Variants in NTRK2 observed in about 807,000 individuals in gnomAD.
NTRK2 encodes neurotrophic receptor tyrosine kinase 2.
NTRK2 carries 13 observed loss-of-function variants against 94.5 expected under a neutral mutation model. The observed-to-expected ratio is 0.14, with a 90% confidence interval of 0.09 to 0.22. NTRK2 has a LOEUF of 0.22. Among genes scored for constraint, NTRK2 ranks in the 10% least tolerant of loss-of-function variants. NTRK2 has a pLI of 1.00. For synonymous variants in NTRK2, 372 were observed against 407.4 expected (o/e 0.91, Z 1.05); for missense variants, 639 against 1,071.2 (o/e 0.60, Z 5.63).
chr9:84,713,587 T>A (rs890915300), intron 6 of NTRK2, among the ~76,000 whole-genome samples: 4 of 152,138 alleles, frequency 2.6e-5, no homozygotes, highest in Admixed American at 2.6e-4. Context: ...TAATACTTCT[T>A]TCATAGAAAT....
intron 12 of NTRK2, among the ~76,000 whole-genome samples, chr9:84,850,321 A>G (rs2074698234): frequency 6.6e-6 from 1 of 152,212 alleles, no homozygotes; most frequent in African/African-American, 2.4e-5. Context: ...TTACATCCCC[A>G]GCATTTATCA....
chr9:84,914,737 C>T (rs1031651998), intron 14 of NTRK2, among the ~76,000 whole-genome samples: 1 of 152,158 alleles, frequency 6.6e-6, no homozygotes, highest in Admixed American at 6.5e-5. Context: ...GGATTTTTTT[C>T]TGTGCCCACT....
intron 8 of NTRK2, among the ~76,000 whole-genome samples, chr9:84,727,153 A>G (rs935075374): frequency 1.3e-5 from 2 of 152,226 alleles, no homozygotes; most frequent in African/African-American, 2.4e-5. Flanking sequence ...TGCATTGATC[A>G]GTTTGATCTG....
At chr9:84,717,158 A>G (rs1444188549) in intron 6 of NTRK2, among the ~76,000 whole-genome samples, 1 of 152,238 alleles carries the variant, frequency 6.6e-6, no homozygotes, top group Non-Finnish European at 1.5e-5. Flanking sequence ...GGCAGAGAAC[A>G]GACAACATTA....
At chr9:84,866,718 C>T (rs1173004947) in intron 13 of NTRK2, among the ~76,000 whole-genome samples, 2 of 152,116 alleles carry the variant, frequency 1.3e-5, no homozygotes, top group Non-Finnish European at 2.9e-5. Flanking sequence ...AGTAATTCCA[C>T]CCAAGAGAAA....
Position 84,702,401 on chromosome 9 carries a change from AC to A in NTRK2, c.342del (p.Asn114LysfsTer14). Reference sequence around the variant, plus strand: ...GTGGCTCATAAAGCATTTCTGAAAAACAGCAACCTGCAGCACATGTAAGTAG... The same window carrying A: ...GTGGCTCATAAAGCATTTCTGAAAAAAGCAACCTGCAGCACATGTAAGTAG... ...KFVAHKAFLK[N>X]SNLQHINFTR... On this transcript the variant is annotated frameshift_variant, in exon 4 of 19. Transcript: ENST00000277120. LOFTEE classifies it high-confidence loss of function. The A allele has an allele frequency of 6.2e-7, 1 of 1,614,072 alleles. No individual in the cohort carries two copies. The highest frequency in any genetic ancestry group is 8.5e-7 in the Non-Finnish European group (1 of 1,179,920).
At chr9:84,908,402 A>G (rs2077139186) in intron 14 of NTRK2, among the ~76,000 whole-genome samples, 1 of 150,586 alleles carries the variant, frequency 6.6e-6, no homozygotes, top group African/African-American at 2.5e-5. Flanking sequence ...TACTTTTGTA[A>G]TCAGACACAA....
chr9:84,907,444 C>T (rs1564453553), intron 14 of NTRK2, among the ~76,000 whole-genome samples: 1 of 152,200 alleles, frequency 6.6e-6, no homozygotes, highest in Non-Finnish European at 1.5e-5. Context: ...CCTATTATTA[C>T]CAGCAGCAAC....
chr9:84,849,387 G>C (rs1416123045), intron 12 of NTRK2, among the ~76,000 whole-genome samples: 1 of 152,182 alleles, frequency 6.6e-6, no homozygotes, highest in African/African-American at 2.4e-5. Flanking sequence ...AAGCACCATG[G>C]ATCGGTGGGT....
At chr9:84,961,663 C>G (rs1459417175) in intron 17 of NTRK2, among the ~76,000 whole-genome samples, 2 of 152,106 alleles carry the variant, frequency 1.3e-5, no homozygotes, top group African/African-American at 4.8e-5. Context: ...GTGCTAGATG[C>G]AATGGTAGAT....
At chr9:84,964,091 G>A (rs1271287077) in intron 17 of NTRK2, among the ~76,000 whole-genome samples, 1 of 152,106 alleles carries the variant, frequency 6.6e-6, no homozygotes, top group Non-Finnish European at 1.5e-5. Flanking sequence ...CTTATTGTGG[G>A]TCATATTTTC....
At chr9:84,876,070 C>A (rs2076054478) in intron 14 of NTRK2, 1 of 1,030,720 alleles carries the variant, frequency 9.7e-7, no homozygotes, top group African/African-American at 1.7e-5. Context: ...AATATTCTTT[C>A]TTATGCTGTT....
intron 15 of NTRK2, among the ~76,000 whole-genome samples, chr9:84,942,265 A>G (rs2078437214): frequency 6.6e-6 from 1 of 152,228 alleles, no homozygotes; most frequent in Non-Finnish European, 1.5e-5. Context: ...CCACGAATTC[A>G]TTAAAATACA....
At chr9:84,919,523 T>G (rs949309445) in intron 14 of NTRK2, among the ~76,000 whole-genome samples, 3 of 152,220 alleles carry the variant, frequency 2.0e-5, no homozygotes, top group Admixed American at 1.3e-4. Flanking sequence ...CCTTGACCTC[T>G]TTAAGCCTCT....
At chr9:85,001,074 A>G (rs1315287299) in intron 17 of NTRK2, among the ~76,000 whole-genome samples, 1 of 152,186 alleles carries the variant, frequency 6.6e-6, no homozygotes, top group Non-Finnish European at 1.5e-5. Context: ...TAGTTATGAA[A>G]CAATTGAGTC....
intron 17 of NTRK2, among the ~76,000 whole-genome samples, chr9:84,959,479 G>T (rs1357545634): frequency 6.6e-6 from 1 of 152,164 alleles, no homozygotes; most frequent in Non-Finnish European, 1.5e-5. Context: ...ATGTCTCTGT[G>T]CAATTCATGG....
chr9:85,006,736 G>A (rs996329330), intron 17 of NTRK2, among the ~76,000 whole-genome samples: 4 of 152,098 alleles, frequency 2.6e-5, no homozygotes, highest in African/African-American at 9.7e-5. Flanking sequence ...TCCTGGTAAC[G>A]TATTCTATAT....
intron 14 of NTRK2, among the ~76,000 whole-genome samples, chr9:84,926,216 TTCTTTCTTTCTTTC>T (rs2077809315): frequency 7.5e-6 from 1 of 133,934 alleles, no homozygotes; most frequent in Non-Finnish European, 1.6e-5. Flanking sequence ...CTTTCTTTCT[TTCTTTCTTTCTTTC>T]TTTTTCTTTC....
At chr9:84,916,217 A>T (rs1587920390) in intron 14 of NTRK2, among the ~76,000 whole-genome samples, 1 of 152,114 alleles carries the variant, frequency 6.6e-6, no homozygotes, top group Non-Finnish European at 1.5e-5. Context: ...CAAAAGTAGC[A>T]TCCCACCAAG....
Sources: gnomAD v4.1 joint callset for allele counts (sites outside exome capture counted in the v4.1 genomes callset) on GRCh38, gnomAD v4.1.1 for gene constraint, MANE v1.5 for transcripts, NCBI Gene and HGNC (gene_info 2026-07-23, HGNC 2026-07-21) for gene names.